ROBO2: variants seen among roughly 807,000 people sequenced by gnomAD.
ROBO2 encodes roundabout guidance receptor 2, also known as roundabout homolog 2.
A neutral mutation model predicts 160.8 loss-of-function variants in ROBO2; 53 were observed. The observed-to-expected ratio is 0.33, with a 90% CI of 0.26 to 0.41. The LOEUF is 0.41. ROBO2 is among the 10% of genes least tolerant of loss of function. ROBO2 has a pLI of 1.00. For synonymous variants in ROBO2, 664 were observed against 611.7 expected, an observed-to-expected ratio of 1.09 and a Z score of -1.26; for missense variants, 1,577 against 1,722.4, an observed-to-expected ratio of 0.92 and a Z score of 1.49.
At chr3:76,570,570 T>G (rs2108595103) in intron 2 of ROBO2, among the ~76,000 whole-genome samples, 2 of 152,302 alleles carry the variant, frequency 1.3e-5, no homozygotes, top group East Asian at 3.9e-4. Context: ...AACAAAAGCT[T>G]TTTAAGGAAT....
At chr3:76,932,683 T>A (rs1306286754) in intron 2 of ROBO2, among the ~76,000 whole-genome samples, 1 of 152,152 alleles carries the variant, frequency 6.6e-6, no homozygotes, top group Non-Finnish European at 1.5e-5. Context: ...GAGAACTACC[T>A]ACACAAAAAT....
At chr3:76,427,787 C>G (rs988824834) in intron 2 of ROBO2, among the ~76,000 whole-genome samples, 1 of 152,102 alleles carries the variant, frequency 6.6e-6, no homozygotes, top group African/African-American at 2.4e-5. Context: ...ATAGCTATCT[C>G]TTTAAATGAG....
At chr3:76,769,863 C>T (rs1418666365) in intron 2 of ROBO2, among the ~76,000 whole-genome samples, 3 of 151,384 alleles carry the variant, frequency 2.0e-5, no homozygotes, top group Non-Finnish European at 3.0e-5. Flanking sequence ...TTTATTCTTG[C>T]TCATCTCTTC....
intron 23 of ROBO2, chr3:77,632,595 A>C (rs1462787418): frequency 6.5e-7 from 1 of 1,535,714 alleles, no homozygotes; most frequent in African/African-American, 1.4e-5. Context: ...TTGCACAAGC[A>C]CTGGTGGCAG....
intron 2 of ROBO2, among the ~76,000 whole-genome samples, chr3:76,079,936 G>T (rs959877398): frequency 5.9e-5 from 9 of 152,022 alleles, no homozygotes; most frequent in African/African-American, 2.2e-4. Flanking sequence ...GAAGAAAAAT[G>T]GAACCAATGA....
chr3:77,244,981 C>A (rs1400540018), intron 2 of ROBO2, among the ~76,000 whole-genome samples: 1 of 147,656 alleles, frequency 6.8e-6, no homozygotes, highest in Non-Finnish European at 1.5e-5. Context: ...AAGCAAAGGT[C>A]TTTGAAATAA....
intron 2 of ROBO2, among the ~76,000 whole-genome samples, chr3:76,622,754 T>A (rs1189848080): frequency 1.3e-5 from 2 of 152,160 alleles, no homozygotes; most frequent in Non-Finnish European, 1.5e-5. Flanking sequence ...ACAATCTCTC[T>A]CCTATCCACT....
In ROBO2 at chr3:77,293,789, G is replaced by A. The variant is rs1424913383; in HGVS notation, c.389-183625G>A. ...CATAAAGTAAAATTGATGGTTAAAC[G>A]GGAAGTTGAGGCTAGAACAGTAAAG... On this transcript the variant is annotated intron_variant, in intron 2 of 25. Coordinates refer to ENST00000461745, the Ensembl canonical transcript of ROBO2. Among the ~76,000 whole-genome samples the A allele has an allele frequency of 9.1e-5, 13 of 142,446 alleles. No homozygotes were observed. In the East Asian group the frequency reaches 1.4e-3, roughly 15 times the overall value. The allele number at this position is 142,446 out of a possible 152,430, so 93.5% of individuals were successfully genotyped here.
intron 2 of ROBO2, among the ~76,000 whole-genome samples, chr3:77,415,773 A>G (rs2077166620): frequency 6.6e-6 from 1 of 152,098 alleles, no homozygotes; most frequent in Admixed American, 6.5e-5. Context: ...ACAGAGACCT[A>G]GGGGTTTTAT....
intron 2 of ROBO2, among the ~76,000 whole-genome samples, chr3:76,412,324 T>A (rs963159595): frequency 6.6e-6 from 1 of 152,112 alleles, no homozygotes; most frequent in Non-Finnish European, 1.5e-5. Context: ...CCAAACCATA[T>A]CATTCTGCCC....
At chr3:77,522,719 T>A (rs1048037805) in intron 5 of ROBO2, 56 bp from the exon 6 acceptor site, 5 of 1,547,436 alleles carry the variant, frequency 3.2e-6, no homozygotes, top group Non-Finnish European at 4.4e-6. Context: ...GAATACTTAA[T>A]GTTATTATCC....
At chr3:76,686,125 T>C (rs1225623832) in intron 2 of ROBO2, among the ~76,000 whole-genome samples, 1 of 152,090 alleles carries the variant, frequency 6.6e-6, no homozygotes. Context: ...TTCAGTTTAG[T>C]GGGAAGACAC....
intron 2 of ROBO2, among the ~76,000 whole-genome samples, chr3:76,079,819 A>T (rs892704821): frequency 6.6e-6 from 1 of 151,510 alleles, no homozygotes; most frequent in African/African-American, 2.4e-5. Context: ...CAAACAAGGG[A>T]CTAACAACAA....
chr3:76,944,463 G>T (rs1201882769), intron 2 of ROBO2, among the ~76,000 whole-genome samples: 1 of 152,080 alleles, frequency 6.6e-6, no homozygotes, highest in Non-Finnish European at 1.5e-5. Flanking sequence ...AAATCCACAG[G>T]TATTGTAATT....
At chr3:76,333,179 A>C (rs2108051742) in intron 2 of ROBO2, among the ~76,000 whole-genome samples, 1 of 152,318 alleles carries the variant, frequency 6.6e-6, no homozygotes, top group South Asian at 2.1e-4. Context: ...GATAGCTTAC[A>C]TAACCTCTCT....
At chr3:76,335,178 G>GTTTTTTTTTTTT (rs34963831) in intron 2 of ROBO2, among the ~76,000 whole-genome samples, 2 of 77,894 alleles carry the variant, frequency 2.6e-5, no homozygotes, top group African/African-American at 5.0e-5. Flanking sequence ...TTTCTGTTTT[G>GTTTTTTTTTTTT]TTTTTTTTTT....
At chr3:76,412,898 G>A (rs980995723) in intron 2 of ROBO2, among the ~76,000 whole-genome samples, 3 of 152,182 alleles carry the variant, frequency 2.0e-5, no homozygotes, top group African/African-American at 7.2e-5. Context: ...GACTATGTGT[G>A]GGGGCTCTGA....
Position 75,959,513 on chromosome 3 carries a change from C to T in ROBO2, c.109+21911C>T, listed in dbSNP as rs975314811. Among the ~76,000 whole-genome samples the T allele has an allele frequency of 4.0e-5, 6 of 151,740 alleles. No individual in the cohort carries two copies. In the South Asian group the frequency reaches 1.2e-3, roughly 32 times the overall value. On this transcript the variant is annotated intron_variant, in intron 2 of 26. Transcript: ENST00000487694. ...CTTCCAAATTTACTTCACAAATTAG[C>T]CCTTAGATTTCATGAATTACTTATA...
intron 2 of ROBO2, among the ~76,000 whole-genome samples, chr3:76,656,381 C>T (rs555670254): frequency 6.6e-6 from 1 of 152,148 alleles, no homozygotes; most frequent in Admixed American, 6.5e-5. Context: ...AGCATTTACA[C>T]TGATAAATAA....
Sources: allele counts gnomAD v4.1 joint callset (sites outside exome capture counted in the v4.1 genomes callset), GRCh38; gene constraint gnomAD v4.1.1; transcripts MANE v1.5; gene names NCBI Gene and HGNC (gene_info 2026-07-23, HGNC 2026-07-21).